Variants in PRXL2A observed in about 807,000 individuals in gnomAD.
PRXL2A encodes peroxiredoxin like 2A.
PRXL2A carries 26 observed loss-of-function variants against 25.6 expected under a neutral mutation model. The ratio of observed to expected loss-of-function variants is 1.02; its 90% CI spans 0.74 to 1.41. PRXL2A has a LOEUF of 1.41. PRXL2A is among the 40% of genes most tolerant of loss of function. The probability of loss-of-function intolerance (pLI) is 0.00; values close to 1 mark genes in which losing one functional copy is unlikely to be tolerated. For synonymous variants in PRXL2A, 98 were observed against 102.9 expected, an observed-to-expected ratio of 0.95 and a Z score of 0.29; for missense variants, 246 against 273.9, an observed-to-expected ratio of 0.90 and a Z score of 0.72.
upstream of PRXL2A, chr10:80,408,549 G>A (rs942790643): frequency 2.0e-5 from 3 of 152,182 alleles, no homozygotes; most frequent in African/African-American, 4.8e-5. Context: ...CGCAAGCGCG[G>A]GGCCCGCCCC....
At chr10:80,417,510 G>A (rs1844703463) in intron 1 of PRXL2A, among the ~76,000 whole-genome samples, 1 of 152,122 alleles carries the variant, frequency 6.6e-6, no homozygotes, top group African/African-American at 2.4e-5. Flanking sequence ...GGAGAAGCAA[G>A]GCTAGGTGAT....
At chr10:80,419,298 C>CTTTTTTT (rs11423912) in intron 1 of PRXL2A, among the ~76,000 whole-genome samples, 1 of 129,172 alleles carries the variant, frequency 7.7e-6, no homozygotes, top group Non-Finnish European at 1.6e-5. Flanking sequence ...CTTCCTCTTT[C>CTTTTTTT]TTTTTTTTTT....
In PRXL2A at chr10:80,422,511, G is replaced by A; in HGVS notation, c.270+3G>A. On this transcript the variant is annotated splice_donor_region_variant and intron_variant, in intron 3 of 5. Transcript: ENST00000606162. ...CAGGCTGTTTCCTCTGTCGAGAGGT[G>A]AGTGCAGATGAGGATCTATTCAGAG... 6.2e-7 allele frequency: 1 copy of A among 1,610,508 alleles called. No homozygotes were observed. The highest frequency in any genetic ancestry group is 1.1e-5 in the South Asian group (1 of 90,946).
At position 80,436,944 on chromosome 10, in the gene PRXL2A, A is replaced by C. The variant is rs764650691; in HGVS notation, c.*4845A>C. On this transcript the variant is annotated 3_prime_UTR_variant, in exon 6 of 6. Coordinates refer to ENST00000606162, the MANE Select transcript of PRXL2A (RefSeq NM_032333.5). Reference sequence around the variant, plus strand: ...ACAGCCTTGCTGGGTTTCCCCTCTCAGTCTATTACTATTAGATCATACCCT... The same window carrying C: ...ACAGCCTTGCTGGGTTTCCCCTCTCCGTCTATTACTATTAGATCATACCCT... 1 of 152,298 alleles carries C rather than the reference A, an allele frequency of 6.6e-6. No homozygotes were observed. The highest frequency in any genetic ancestry group is 2.4e-5 in the African/African-American group (1 of 41,450). The allele number at this position is 152,298 out of a possible 1,614,324, so 9.4% of individuals were successfully genotyped here. A position where few individuals can be genotyped will look rare whatever the true frequency, so the allele number is the denominator to read the frequency against.
chr10:80,425,971 C>A lies in PRXL2A; in HGVS notation c.376C>A (p.Pro126Thr), dbSNP rs1249259446. Residue 126 changes from proline (P) to threonine (T), a missense_variant, in exon 4 of 6, where the codon CCT (proline) becomes ACT (threonine). Physicochemically the swap from Pro to Thr is conservative, Grantham distance 38. Coordinates refer to ENST00000606162, the MANE Select transcript of PRXL2A (RefSeq NM_032333.5). ...HIRTEVKDFQPYFKGEIFLDE... is the reference protein window; with the variant it reads ...HIRTEVKDFQTYFKGEIFLDE... ...CAGGACTGAAGTGAAGGATTTCCAG[C>A]CTTATTTCAAAGGAGAAATCTTCCT... The A allele has an allele frequency of 1.1e-5, 18 of 1,614,222 alleles. No individual in the cohort carries two copies. The highest frequency in any genetic ancestry group is 1.4e-5 in the Non-Finnish European group (16 of 1,180,040).
In PRXL2A at chr10:80,422,476, G is replaced by C; in HGVS notation, c.238G>C (p.Val80Leu). 6.2e-7 allele frequency: 1 copy of C among 1,613,970 alleles called. No homozygotes were observed. Residue 80 changes from valine to leucine, a missense_variant, in exon 3 of 6, where the codon GTG becomes CTG. Physicochemically the swap from Val to Leu is conservative, Grantham distance 32. Coordinates refer to ENST00000606162, the MANE Select transcript of PRXL2A (RefSeq NM_032333.5). ...AAAAAATGGAGCTGTGATTATGGCC[G>C]TGCGGAGGCCAGGCTGTTTCCTCTG... is the stretch of plus-strand genomic sequence containing the variant. ...WEKNGAVIMA[V>L]RRPGCFLCRE... is the part of the protein sequence containing the mutation.
chr10:80,432,036 A>G lies in PRXL2A; in HGVS notation c.627A>G (p.Leu209=). 1 of 1,611,452 alleles carries G rather than the reference A, an allele frequency of 6.2e-7. No individual in the cohort carries two copies. Among genetic ancestry groups the G allele is most frequent in the Non-Finnish European group, 8.5e-7 (1 of 1,179,396 alleles). ...AAGAATTTGGAGACAAAGTAAACCT[A>G]CTTTCTGTTCTGGAAGCTGCTAAGA... The part of the protein sequence containing the change: ...REKEFGDKVN[L]LSVLEAAKMI... Residue 209 remains leucine (L), a synonymous_variant, in exon 6 of 6, where the codon CTA becomes CTG. Transcript: ENST00000606162.
chr10:80,429,941 G>A (rs1353156819), intron 5 of PRXL2A, among the ~76,000 whole-genome samples: 1 of 152,144 alleles, frequency 6.6e-6, no homozygotes, highest in Admixed American at 6.5e-5. Context: ...GTTGCTAGGT[G>A]TGTTTGACTT....
Position 80,422,428 on chromosome 10 carries a change from T to C in PRXL2A, c.190T>C (p.Phe64Leu). The C allele has an allele frequency of 6.2e-7, 1 of 1,613,924 alleles. No individual in the cohort carries two copies. Among genetic ancestry groups the C allele is most frequent in the Non-Finnish European group, 8.5e-7 (1 of 1,179,822 alleles). Reference sequence around the variant, plus strand: ...TTTTCCTCTCTTAGAACCAAGGACTTTCAAAGCAAAGGAGCTATGGGAAAA... The same window carrying C: ...TTTTCCTCTCTTAGAACCAAGGACTCTCAAAGCAAAGGAGCTATGGGAAAA... The part of the protein sequence containing the change: ...LKTLEKEPRT[F>L]KAKELWEKNG... The change falls in exon 3 of 6, where the codon TTC (phenylalanine) becomes CTC (leucine). Residue 64 changes from phenylalanine to leucine, a missense_variant. By Grantham distance (22) the Phe-to-Leu change is conservative. Coordinates refer to ENST00000606162, the MANE Select transcript of PRXL2A (RefSeq NM_032333.5).
At chr10:80,410,479 G>A (rs902306632) in intron 1 of PRXL2A, among the ~76,000 whole-genome samples, 2 of 152,144 alleles carry the variant, frequency 1.3e-5, no homozygotes, top group Non-Finnish European at 2.9e-5. Context: ...AGCTGCAGAA[G>A]TTCACTATTT....
intron 1 of PRXL2A, chr10:80,413,817 C>G: frequency 9.0e-7 from 1 of 1,116,756 alleles, no homozygotes; most frequent in Non-Finnish European, 1.1e-6. Flanking sequence ...CCAGGCCCGT[C>G]TGCTCACCCC....
intron 1 of PRXL2A, among the ~76,000 whole-genome samples, chr10:80,415,099 T>G (rs1024504548): frequency 9.9e-5 from 15 of 152,120 alleles, no homozygotes; most frequent in African/African-American, 2.7e-4. Context: ...TTCCTGGAAG[T>G]GAATTTTCTG....
At chr10:80,419,947 A>G in intron 1 of PRXL2A, 1 of 984,294 alleles carries the variant, frequency 1.0e-6, no homozygotes, top group Non-Finnish European at 1.2e-6. Flanking sequence ...AGGGTCGTCA[A>G]ACTAAAGAGG....
intron 1 of PRXL2A, among the ~76,000 whole-genome samples, chr10:80,417,267 C>G (rs4934139): frequency 7.9e-5 from 12 of 152,090 alleles, no homozygotes; most frequent in African/African-American, 2.9e-4. Flanking sequence ...TATGTCGGAC[C>G]CGAACTCAAG....
At chr10:80,409,177 C>T in intron 1 of PRXL2A, 1 of 624,558 alleles carries the variant, frequency 1.6e-6, no homozygotes, top group African/African-American at 2.0e-5. Flanking sequence ...ACCTGTTCCC[C>T]CTCTTTCCCA....
At chr10:80,419,957 G>A (rs961005248) in intron 1 of PRXL2A, 2 of 985,214 alleles carry the variant, frequency 2.0e-6, no homozygotes, top group African/African-American at 3.5e-5. Context: ...AACTAAAGAG[G>A]AAAGAAGATA....
chr10:80,423,557 GGGC>G (rs1844935625), intron 3 of PRXL2A, among the ~76,000 whole-genome samples: 1 of 152,174 alleles, frequency 6.6e-6, no homozygotes, highest in African/African-American at 2.4e-5. Context: ...TTGTGTGGCT[GGGC>G]TGGTGAAGAA....
In PRXL2A at chr10:80,420,416, A is replaced by G. The variant is rs896482356; in HGVS notation, c.-2-50A>G. The G allele has an allele frequency of 3.3e-6, 5 of 1,502,366 alleles. No homozygotes were observed. The African/African-American group carries it at 5.6e-5, about 17-fold the overall frequency. The allele number at this position is 1,502,366 out of a possible 1,614,324, so 93.1% of individuals were successfully genotyped here. ...AGCCTTGCCTGGAAGATGAAATTCC[A>G]GCTACCCTGTGGGAGCAGTAACGCC... On this transcript the variant is annotated intron_variant, in intron 1 of 5. Transcript: ENST00000606162.
chr10:80,421,475 G>C (rs1370195482), intron 2 of PRXL2A, among the ~76,000 whole-genome samples: 1 of 152,156 alleles, frequency 6.6e-6, no homozygotes, highest in African/African-American at 2.4e-5. Flanking sequence ...ATCGTCATCT[G>C]TTTAGTAAGT....
Sources: allele counts gnomAD v4.1 joint callset (sites outside exome capture counted in the v4.1 genomes callset), GRCh38; gene constraint gnomAD v4.1.1; transcripts MANE v1.5; gene names NCBI Gene and HGNC (gene_info 2026-07-23, HGNC 2026-07-21).